Variants in JMJD6 observed in about 807,000 individuals in gnomAD.
JMJD6 encodes the protein jumonji domain containing 6, arginine demethylase and lysine hydroxylase.
In JMJD6, 17 loss-of-function variants were observed where a neutral mutation model predicts 45.8. The observed-to-expected ratio is 0.37, with a 90% CI of 0.25 to 0.56. The LOEUF (loss-of-function observed/expected upper bound fraction) is 0.56, where lower values mean the gene tolerates loss of function less well. Among genes scored for constraint, JMJD6 ranks in the 20% least tolerant of loss-of-function variants. JMJD6 has a pLI of 0.79. For synonymous variants in JMJD6, 221 were observed against 196.3 expected, an observed-to-expected ratio of 1.13 and a Z score of -1.05; for missense variants, 470 against 517.5, an observed-to-expected ratio of 0.91 and a Z score of 0.89.
Position 76,725,709 on chromosome 17 carries a change from C to G in JMJD6, c.276G>C (p.Arg92Ser). Residue 92 changes from arginine to serine, a missense_variant, in exon 2 of 6, where the codon AGG becomes AGC. Transcript: ENST00000397625. ...ACTTGAACTTCTGGTTCCGATATTT[C>G]CTTTTTAGGCGCTCCAGAGTCCATT... ...QEKWTLERLK[R>S]KYRNQKFKCG... 6.2e-7 allele frequency: 1 copy of G among 1,614,118 alleles called. No individual in the cohort carries two copies. Among genetic ancestry groups the G allele is most frequent in the Non-Finnish European group, 8.5e-7 (1 of 1,180,024 alleles).
chr17:76,718,323 C>T (rs780866515), downstream of JMJD6: 9 of 580,562 alleles, frequency 1.6e-5, no homozygotes, highest in South Asian at 8.0e-5. Context: ...GCTCTCCCTA[C>T]GCTGCTGGGA....
chr17:76,720,382 C>T lies in JMJD6; in HGVS notation c.1058G>A (p.Ser353Asn). 6.2e-7 allele frequency: 1 copy of T among 1,614,170 alleles called. No individual in the cohort carries two copies. Among genetic ancestry groups the T allele is most frequent in the East Asian group, 2.2e-5 (1 of 44,888 alleles). Residue 353 changes from serine to asparagine, a missense_variant, in exon 5 of 6, where the codon AGT becomes AAT. Ser to Asn is a conservative substitution (Grantham distance 46, BLOSUM62 1). Coordinates refer to ENST00000397625, the MANE Select transcript of JMJD6 (RefSeq NM_015167.3). ...CACCTCTGAGTCGGAGTCTGACGAA[C>T]TGGAGCTGGAGGAGCTGGAAGAGTC... ...SSDSSSSSSS[S>N]SSDSDSECES...
intron 3 of JMJD6, among the ~76,000 whole-genome samples, chr17:76,722,743 G>A (rs528252729): frequency 1.3e-5 from 2 of 150,574 alleles, no homozygotes; most frequent in Admixed American, 6.7e-5. Flanking sequence ...CTACTTGGGA[G>A]GCTGAGACAA....
chr17:76,725,291 C>T (rs965825194), intron 2 of JMJD6, among the ~76,000 whole-genome samples, 176 bp downstream of exon 2: 3 of 151,028 alleles, frequency 2.0e-5, no homozygotes, highest in Non-Finnish European at 4.4e-5. Context: ...GCCTGTAATC[C>T]CAGTTACAGG....
intron 2 of JMJD6, among the ~76,000 whole-genome samples, chr17:76,724,883 A>G (rs1251001538): frequency 6.6e-6 from 1 of 152,146 alleles, no homozygotes; most frequent in Non-Finnish European, 1.5e-5. Flanking sequence ...ACTTTATTAA[A>G]ACCTCCCTTA....
intron 3 of JMJD6, among the ~76,000 whole-genome samples, chr17:76,722,845 CAAA>C (rs71158058): frequency 9.7e-4 from 42 of 43,262 alleles, no homozygotes; most frequent in African/African-American, 3.3e-3. Flanking sequence ...GACTTGGTCT[CAAA>C]AAAAAAAAAA....
downstream of JMJD6, chr17:76,714,677 A>G (rs2076752169): frequency 6.6e-6 from 1 of 152,276 alleles, no homozygotes; most frequent in African/African-American, 2.4e-5. Flanking sequence ...AATCTGTACT[A>G]TCCAGACACT....
At chr17:76,719,639 A>G (rs1049321692) in intron 5 of JMJD6, among the ~76,000 whole-genome samples, 2 of 152,168 alleles carry the variant, frequency 1.3e-5, no homozygotes, top group Non-Finnish European at 2.9e-5. Context: ...ACCCAGTATT[A>G]CTGTCAGCTT....
intron 1 of JMJD6, 130 bp downstream of exon 1, chr17:76,726,217 C>A: frequency 1.6e-6 from 2 of 1,269,958 alleles, no homozygotes; most frequent in African/African-American, 1.6e-5. Context: ...CCCCAAACTC[C>A]GCGGGGTGCG....
intron 5 of JMJD6, among the ~76,000 whole-genome samples, chr17:76,719,470 G>A (rs1294252985): frequency 6.6e-6 from 1 of 152,088 alleles, no homozygotes; most frequent in Non-Finnish European, 1.5e-5. Flanking sequence ...TGTGTTTTTA[G>A]TAGACATGGG....
At position 76,718,850 on chromosome 17, in the gene JMJD6, C is replaced by A; in HGVS notation, c.1091G>T (p.Gly364Val). ...GTGCACTGTCCCATCGCCCTCGGAT[C>A]CAGACTCGCACTGGACACAGGAGGA... ...SSDSDSECES[G>V]SEGDGTVHRR... The change falls in exon 6 of 6, where the codon GGA becomes GTA. Residue 364 changes from glycine to valine, a missense_variant. Transcript: ENST00000397625. The A allele has an allele frequency of 6.2e-7, 1 of 1,614,018 alleles. No individual in the cohort carries two copies. The highest frequency in any genetic ancestry group is 1.1e-5 in the South Asian group (1 of 91,068).
chr17:76,720,314 A>G (rs1300659746), intron 5 of JMJD6, 46 bp downstream of exon 5: 2 of 1,584,822 alleles, frequency 1.3e-6, no homozygotes, highest in Non-Finnish European at 1.7e-6. Context: ...ACTGAGTTAC[A>G]TGAGCCTTGG....
downstream of JMJD6, chr17:76,716,445 C>A (rs75863449): frequency 7.2e-4 from 368 of 513,272 alleles, 2 homozygotes; most frequent in African/African-American, 6.7e-3. Flanking sequence ...ACCTTCTTAC[C>A]CAACATCCCA....
intron 4 of JMJD6, among the ~76,000 whole-genome samples, 161 bp downstream of exon 4, chr17:76,721,637 C>T (rs181349382): frequency 6.6e-6 from 1 of 152,246 alleles, no homozygotes; most frequent in Non-Finnish European, 1.5e-5. Context: ...GAGGACTTGC[C>T]CTGACCTTGG....
At chr17:76,723,303 T>C (rs548358324) in intron 3 of JMJD6, among the ~76,000 whole-genome samples, 22 of 152,254 alleles carry the variant, frequency 1.4e-4, no homozygotes, top group Admixed American at 1.4e-3. Context: ...GCTCCCAAAG[T>C]ATGTGACACT....
Position 76,724,017 on chromosome 17 carries a change from T to A in JMJD6, c.560A>T (p.His187Leu). ...MGPPRSGTGI[H>L]IDPLGTSAWN... ...GGCACTGGTTCCCAGAGGGTCGATGTGAATCCCAGTTCCGGAGCGTGGTGG... is the reference window on the plus strand; with the variant it reads ...GGCACTGGTTCCCAGAGGGTCGATGAGAATCCCAGTTCCGGAGCGTGGTGG... Residue 187 changes from histidine to leucine, a missense_variant, in exon 3 of 6, where the codon CAC becomes CTC. This residue lies in a region of JMJD6 where 346 missense variants were observed against 339.5 expected (regional missense o/e 1.02). Coordinates refer to ENST00000397625, the MANE Select transcript of JMJD6 (RefSeq NM_015167.3). 1 of 1,614,160 alleles carries A rather than the reference T, an allele frequency of 6.2e-7. No individual in the cohort carries two copies. The highest frequency in any genetic ancestry group is 8.5e-7 in the Non-Finnish European group (1 of 1,180,030).
At chr17:76,723,293 G>A (rs958798186) in intron 3 of JMJD6, among the ~76,000 whole-genome samples, 2 of 152,028 alleles carry the variant, frequency 1.3e-5, no homozygotes, top group African/African-American at 4.8e-5. Context: ...GTGAACAAGA[G>A]CTCCCAAAGT....
chr17:76,714,040 G>C (rs974935953), downstream of JMJD6: 6 of 152,226 alleles, frequency 3.9e-5, no homozygotes, highest in African/African-American at 1.4e-4. Flanking sequence ...TTGAACGCTT[G>C]AATTATTAAG....
rs755289909 is a variant in JMJD6, at chr17:76,718,627, C to A, written c.*102G>T. The A allele has an allele frequency of 1.1e-5, 16 of 1,509,112 alleles. No homozygotes were observed. The highest frequency in any genetic ancestry group is 1.4e-5 in the Non-Finnish European group (16 of 1,133,238). The allele number at this position is 1,509,112 out of a possible 1,614,324, so 93.5% of individuals were successfully genotyped here. Reference sequence around the variant, plus strand: ...CCGAGGGTGTCCTCATTCTTGGGCTCTGTCAGGCCTCCCCTTGTCTGCAGG... The same window carrying A: ...CCGAGGGTGTCCTCATTCTTGGGCTATGTCAGGCCTCCCCTTGTCTGCAGG... On this transcript the variant is annotated 3_prime_UTR_variant, in exon 6 of 6. Coordinates refer to ENST00000397625, the MANE Select transcript of JMJD6 (RefSeq NM_015167.3).
Sources: allele counts gnomAD v4.1 joint callset (sites outside exome capture counted in the v4.1 genomes callset), GRCh38; gene constraint gnomAD v4.1.1; regional missense constraint gnomAD v4.1.1; transcripts MANE v1.5; gene names NCBI Gene and HGNC (gene_info 2026-07-23, HGNC 2026-07-21).